Variants in PLCL1 observed in about 807,000 individuals in gnomAD.
PLCL1 encodes inactive phospholipase C-like protein 1.
A neutral mutation model predicts 84.4 loss-of-function variants in PLCL1; 41 were observed. The ratio of observed to expected loss-of-function variants is 0.49; its 90% CI spans 0.38 to 0.63. The LOEUF is 0.63. Ranked by LOEUF, PLCL1 falls within the 30% of genes least tolerant of loss-of-function variation. PLCL1 has a pLI of 0.00. For synonymous variants in PLCL1, 490 were observed against 488.3 expected, an observed-to-expected ratio of 1.00 and a Z score of -0.05; for missense variants, 1,206 against 1,367.8, an observed-to-expected ratio of 0.88 and a Z score of 1.87.
At chr2:197,925,354 T>C (rs1688812408) in intron 1 of PLCL1, among the ~76,000 whole-genome samples, 1 of 152,208 alleles carries the variant, frequency 6.6e-6, no homozygotes, top group Non-Finnish European at 1.5e-5. Context: ...GGTGTTTCAG[T>C]TCTAGCTAGT....
chr2:198,049,051 C>T (rs963787929), intron 1 of PLCL1, among the ~76,000 whole-genome samples: 6 of 152,094 alleles, frequency 3.9e-5, no homozygotes, highest in African/African-American at 1.4e-4. Context: ...ACTAAGGTAC[C>T]ACTTGGGTCA....
At chr2:198,058,455 A>G (rs1692116882) in intron 1 of PLCL1, among the ~76,000 whole-genome samples, 1 of 152,076 alleles carries the variant, frequency 6.6e-6, no homozygotes, top group Admixed American at 6.6e-5. Flanking sequence ...AATCATAGAA[A>G]AGAATTTTCA....
chr2:198,043,243 G>C (rs1041598187), intron 1 of PLCL1, among the ~76,000 whole-genome samples: 1 of 152,174 alleles, frequency 6.6e-6, no homozygotes, highest in African/African-American at 2.4e-5. Flanking sequence ...GGAAAGAAAG[G>C]TATAAACACA....
chr2:198,051,673 A>G (rs1354034432), intron 1 of PLCL1, among the ~76,000 whole-genome samples: 1 of 152,182 alleles, frequency 6.6e-6, no homozygotes, highest in Non-Finnish European at 1.5e-5. Context: ...GTATGTTACC[A>G]TGGCATTTTA....
At chr2:197,949,379 G>A (rs1319973594) in intron 1 of PLCL1, among the ~76,000 whole-genome samples, 1 of 152,098 alleles carries the variant, frequency 6.6e-6, no homozygotes, top group Non-Finnish European at 1.5e-5. Flanking sequence ...ATGGACATCT[G>A]CACTCATTTG....
intron 1 of PLCL1, among the ~76,000 whole-genome samples, chr2:197,844,160 C>T (rs1687072318): frequency 6.6e-6 from 1 of 152,030 alleles, no homozygotes; most frequent in African/African-American, 2.4e-5. Flanking sequence ...GTGGTACAAA[C>T]CTCAAATAGA....
Position 198,083,894 on chromosome 2 carries a change from C to A in PLCL1, c.377C>A (p.Pro126Gln). Residue 126 changes from proline (P) to glutamine (Q), a missense_variant, in exon 2 of 6, where the codon CCA becomes CAA. Pro to Gln is a moderately conservative substitution (Grantham distance 76). Coordinates refer to ENST00000428675, the MANE Select transcript of PLCL1 (RefSeq NM_006226.4). Reference protein sequence around the residue: ...QAGCELKKVRPNSRIYNRFFT... With the variant: ...QAGCELKKVRQNSRIYNRFFT... Reference sequence around the variant, plus strand: ...GGCTGTGAGTTGAAGAAAGTCCGGCCAAATTCTCGCATTTACAACCGTTTT... The same window carrying A: ...GGCTGTGAGTTGAAGAAAGTCCGGCAAAATTCTCGCATTTACAACCGTTTT... 6.2e-7 allele frequency: 1 copy of A among 1,614,116 alleles called. No individual in the cohort carries two copies. Among genetic ancestry groups the A allele is most frequent in the Non-Finnish European group, 8.5e-7 (1 of 1,179,998 alleles).
intron 1 of PLCL1, among the ~76,000 whole-genome samples, chr2:198,064,192 A>T (rs990843493): frequency 6.6e-6 from 1 of 152,190 alleles, no homozygotes; most frequent in Non-Finnish European, 1.5e-5. Flanking sequence ...GGTGTTAAGG[A>T]TGGAGCAATT....
chr2:197,915,537 G>A (rs75953943), intron 1 of PLCL1, among the ~76,000 whole-genome samples: 24 of 136,006 alleles, frequency 1.8e-4, no homozygotes, highest in Non-Finnish European at 3.2e-5. Context: ...TTTTTTTTTT[G>A]AAGTCCGATG....
At chr2:197,910,022 G>C (rs1395689302) in intron 1 of PLCL1, among the ~76,000 whole-genome samples, 1 of 152,180 alleles carries the variant, frequency 6.6e-6, no homozygotes, top group Non-Finnish European at 1.5e-5. Context: ...TGGCGCTTTG[G>C]TCAAGTTAAC....
chr2:197,954,903 C>T (rs571882450), intron 1 of PLCL1, among the ~76,000 whole-genome samples: 2 of 152,058 alleles, frequency 1.3e-5, no homozygotes, highest in Admixed American at 1.3e-4. Flanking sequence ...CAAGAGGAAA[C>T]ATTTAAAAAG....
At chr2:198,136,441 G>A (rs1694257396) in intron 5 of PLCL1, among the ~76,000 whole-genome samples, 1 of 152,090 alleles carries the variant, frequency 6.6e-6, no homozygotes, top group South Asian at 2.1e-4. Context: ...TGGAGCTTAT[G>A]CTGTAAATTC....
At chr2:197,857,834 A>T (rs79770115) in intron 1 of PLCL1, among the ~76,000 whole-genome samples, 2,256 of 152,316 alleles carry the variant, frequency 0.015, 62 homozygotes, top group African/African-American at 0.052. Flanking sequence ...GCAAGATGGC[A>T]GCACTCAATG....
intron 1 of PLCL1, among the ~76,000 whole-genome samples, chr2:197,960,844 T>G (rs966233472): frequency 6.6e-6 from 1 of 152,132 alleles, no homozygotes; most frequent in African/African-American, 2.4e-5. Context: ...GTTTAAAAAA[T>G]GCATTTAAGA....
chr2:197,962,026 A>G (rs1689634032), intron 1 of PLCL1, among the ~76,000 whole-genome samples: 1 of 152,104 alleles, frequency 6.6e-6, no homozygotes, highest in Non-Finnish European at 1.5e-5. Flanking sequence ...GGCATAGTAT[A>G]CAGTAAAGTT....
chr2:197,983,158 CCTTT>C (rs770130659), intron 1 of PLCL1, among the ~76,000 whole-genome samples: 33 of 142,212 alleles, frequency 2.3e-4, no homozygotes, highest in South Asian at 4.6e-4. Flanking sequence ...CTTTTCTTTT[CCTTT>C]CTTTCTTTCT....
At chr2:198,055,329 C>CTCTCTCTG (rs374518934) in intron 1 of PLCL1, among the ~76,000 whole-genome samples, 2,041 of 112,276 alleles carry the variant, frequency 0.018, 59 homozygotes, top group African/African-American at 0.058. Context: ...CTCTCTCTCT[C>CTCTCTCTG]TGTGTGTGTG....
At chr2:197,921,486 A>T (rs1468535307) in intron 1 of PLCL1, among the ~76,000 whole-genome samples, 1 of 152,216 alleles carries the variant, frequency 6.6e-6, no homozygotes, top group African/African-American at 2.4e-5. Context: ...TACTTAATTC[A>T]GGCGGATATA....
chr2:197,836,183 A>G (rs1691182750), intron 1 of PLCL1, among the ~76,000 whole-genome samples: 1 of 152,122 alleles, frequency 6.6e-6, no homozygotes. Context: ...TTTGTTTGTA[A>G]AAAATCCTTA....
Sources: gnomAD v4.1 joint callset for allele counts (sites outside exome capture counted in the v4.1 genomes callset) on GRCh38, gnomAD v4.1.1 for gene constraint, MANE v1.5 for transcripts, NCBI Gene and HGNC (gene_info 2026-07-23, HGNC 2026-07-21) for gene names.